PLAC1: variants seen among roughly 807,000 people sequenced by gnomAD.
PLAC1 encodes placenta associated 1, also known as placenta-specific protein 1.
For synonymous variants in PLAC1, 68 were observed against 62.1 expected (o/e 1.09, Z -0.44); for missense variants, 136 against 163.2 (o/e 0.83, Z 0.91).
chrX:134,646,099 A>T (rs2078331895), intron 1 of PLAC1, among the ~76,000 whole-genome samples: 1 of 112,081 alleles, frequency 8.9e-6, no homozygotes, highest in Non-Finnish European at 1.9e-5. Flanking sequence ...TGAGAATCAA[A>T]TGAGATAATG....
chrX:134,667,639 G>A lies in PLAC1; in HGVS notation n.175-65517C>T, dbSNP rs535716367. Among the ~76,000 whole-genome samples, 11 of 111,915 alleles carry A rather than the reference G, an allele frequency of 9.8e-5. 2 individuals are homozygous for A. The Middle Eastern group carries it at 0.014, about 140-fold the overall frequency. On this transcript the variant is annotated intron_variant and non_coding_transcript_variant, in intron 2 of 2. Coordinates refer to the PLAC1 transcript ENST00000466797. Reference sequence around the variant, plus strand: ...GCAGTTCCTCAAAAAGTTAAACATGGACCAGGCACAGTGGCTCACACCTGT... The same window carrying A: ...GCAGTTCCTCAAAAAGTTAAACATGAACCAGGCACAGTGGCTCACACCTGT...
chrX:134,761,082 T>A (rs2078768653), intron 1 of PLAC1, among the ~76,000 whole-genome samples: 1 of 110,869 alleles, frequency 9.0e-6, no homozygotes, highest in South Asian at 3.8e-4. Flanking sequence ...TGAGAAAAAA[T>A]GAATAATTGT....
intron 1 of PLAC1, among the ~76,000 whole-genome samples, chrX:134,750,895 ATATTTATATATATATT>A (rs2078742192): frequency 2.7e-4 from 3 of 11,218 alleles, no homozygotes; most frequent in Non-Finnish European, 4.0e-4. Flanking sequence ...ATATATATAT[ATATTTATATATATATT>A]TATATATATA....
chrX:134,668,008 G>A (rs2078443093), intron 2 of PLAC1, among the ~76,000 whole-genome samples: 1 of 111,101 alleles, frequency 9.0e-6, no homozygotes, highest in East Asian at 2.8e-4. Context: ...CAGGAGAATT[G>A]AACATAGATC....
At chrX:134,731,509 CT>C in intron 2 of PLAC1, among the ~76,000 whole-genome samples, 1 of 112,506 alleles carries the variant, frequency 8.9e-6, no homozygotes, top group Non-Finnish European at 1.9e-5. Context: ...CTCATCTAGA[CT>C]ACAAGCTAGA....
chrX:134,747,677 C>T (rs973182798), intron 1 of PLAC1, among the ~76,000 whole-genome samples: 7 of 111,325 alleles, frequency 6.3e-5, no homozygotes, highest in African/African-American at 2.3e-4. Flanking sequence ...AGCAGATGCA[C>T]GGAGAACATC....
chrX:134,574,090 T>TCTCA (rs1205190366), intron 2 of PLAC1, among the ~76,000 whole-genome samples: 13 of 104,327 alleles, frequency 1.2e-4, no homozygotes, highest in African/African-American at 1.4e-4. Flanking sequence ...TCTCTCTCTC[T>TCTCA]CACACACACA....
chrX:134,744,960 C>T (rs2078725913), intron 1 of PLAC1, among the ~76,000 whole-genome samples: 1 of 111,532 alleles, frequency 9.0e-6, no homozygotes, highest in Admixed American at 9.5e-5. Context: ...AGAGTCTCCA[C>T]TGGGTGATCT....
intron 2 of PLAC1, among the ~76,000 whole-genome samples, chrX:134,676,128 A>G (rs1452806209): frequency 8.9e-6 from 1 of 112,322 alleles, no homozygotes; most frequent in East Asian, 2.8e-4. Context: ...AACTTTGTCT[A>G]TTCAATGTTA....
intron 1 of PLAC1, among the ~76,000 whole-genome samples, chrX:134,739,107 T>C (rs1427989232): frequency 8.9e-6 from 1 of 112,086 alleles, no homozygotes; most frequent in Non-Finnish European, 1.9e-5. Flanking sequence ...ACAAACATGA[T>C]TTTTTAAGAC....
rs2078310066 is a variant in PLAC1, at chrX:134,642,033, T to C, written c.-131+16295A>G. On this transcript the variant is annotated intron_variant, in intron 1 of 2. Coordinates refer to ENST00000359237, the MANE Select transcript of PLAC1 (RefSeq NM_021796.4). ...ACTACAGAGAAGGAAAAGGCTTTCA[T>C]GCAGGAAGCTGCTTTGAAATAAAGA... 1.8e-5 allele frequency among the ~76,000 whole-genome samples: 2 copies of C among 111,825 alleles called. 1 individual carries two copies. Among genetic ancestry groups the C allele is most frequent in the Middle Eastern group, 8.4e-3 (2 of 238 alleles).
At chrX:134,686,512 C>T (rs894263326) in intron 2 of PLAC1, among the ~76,000 whole-genome samples, 2 of 111,915 alleles carry the variant, frequency 1.8e-5, no homozygotes, top group East Asian at 5.6e-4. Context: ...GAGAGTGTGA[C>T]GTGCTCAGTC....
At chrX:134,715,257 C>T (rs1425763245) in intron 2 of PLAC1, among the ~76,000 whole-genome samples, 3 of 111,361 alleles carry the variant, frequency 2.7e-5, no homozygotes, top group Non-Finnish European at 3.8e-5. Context: ...TGTCTGACTC[C>T]AAAGCCCACT....
At chrX:134,589,039 G>A (rs2078020945) in intron 2 of PLAC1, among the ~76,000 whole-genome samples, 1 of 111,622 alleles carries the variant, frequency 9.0e-6, no homozygotes, top group Non-Finnish European at 1.9e-5. Context: ...TTCCGACTTT[G>A]AGCATGTTCC....
chrX:134,694,516 C>T (rs2078555655), intron 2 of PLAC1, among the ~76,000 whole-genome samples: 1 of 112,170 alleles, frequency 8.9e-6, no homozygotes, highest in South Asian at 3.7e-4. Context: ...AATGCATCTC[C>T]TTGAGCAGGC....
intron 2 of PLAC1, among the ~76,000 whole-genome samples, chrX:134,720,320 C>A (rs2078654105): frequency 8.9e-6 from 1 of 112,008 alleles, no homozygotes; most frequent in South Asian, 3.7e-4. Context: ...TATAAAACAC[C>A]ATTGACAGAG....
intron 2 of PLAC1, among the ~76,000 whole-genome samples, chrX:134,590,741 G>T (rs1435935104): frequency 9.0e-6 from 1 of 110,781 alleles, no homozygotes; most frequent in Non-Finnish European, 1.9e-5. Context: ...GGGTAGCTGG[G>T]ACTACAGGCT....
intron 1 of PLAC1, among the ~76,000 whole-genome samples, chrX:134,638,861 G>C (rs1027196161): frequency 7.2e-5 from 8 of 111,172 alleles, no homozygotes; most frequent in African/African-American, 2.6e-4. Flanking sequence ...CGGGAGTTTG[G>C]TGTACAGATT....
chrX:134,718,309 T>C (rs748604580), intron 2 of PLAC1, among the ~76,000 whole-genome samples: 1 of 111,747 alleles, frequency 8.9e-6, no homozygotes, highest in Non-Finnish European at 1.9e-5. Context: ...TAAGGCATAC[T>C]GTGAGGGTGG....
Sources: allele counts gnomAD v4.1 joint callset (sites outside exome capture counted in the v4.1 genomes callset), GRCh38; gene constraint gnomAD v4.1.1; transcripts MANE v1.5; gene names NCBI Gene and HGNC (gene_info 2026-07-23, HGNC 2026-07-21).